The following WDR49 variants were observed in gnomAD, a reference collection of about 807,000 sequenced individuals.
The protein encoded by WDR49 is cilia- and flagella-associated protein 337.
In WDR49, 107 loss-of-function variants were observed where a neutral mutation model predicts 119.5. The ratio of observed to expected loss-of-function variants is 0.90; its 90% CI spans 0.77 to 1.05. The LOEUF (loss-of-function observed/expected upper bound fraction) is 1.05. Ranked by LOEUF, WDR49 falls within the 50% of genes least tolerant of loss-of-function variation. WDR49 has a pLI of 0.00. For missense variants in WDR49, 1,240 were observed against 1,220.5 expected, an observed-to-expected ratio of 1.02 and a Z score of -0.24; for synonymous variants, 425 against 418.8, an observed-to-expected ratio of 1.01 and a Z score of -0.18.
chr3:167,610,098 G>T (rs546171415), intron 5 of WDR49, among the ~76,000 whole-genome samples: 9 of 152,240 alleles, frequency 5.9e-5, no homozygotes, highest in Admixed American at 5.9e-4. Flanking sequence ...GGTGAGACTC[G>T]GCACATTACT....
chr3:167,610,259 T>C (rs1716279362), intron 5 of WDR49, among the ~76,000 whole-genome samples: 1 of 152,104 alleles, frequency 6.6e-6, no homozygotes, highest in East Asian at 1.9e-4. Context: ...TTCCAAGACT[T>C]GACTCTTGGA....
At chr3:167,537,116 A>C (rs1711515674) in intron 10 of WDR49, 116 bp from the exon 11 acceptor site, 2 of 1,028,536 alleles carry the variant, frequency 1.9e-6, no homozygotes, top group Non-Finnish European at 2.6e-6. Context: ...GCTGCCCAAA[A>C]TTTATCCCCA....
At chr3:167,530,076 T>C (rs1030970916) in intron 13 of WDR49, among the ~76,000 whole-genome samples, 2 of 152,082 alleles carry the variant, frequency 1.3e-5, no homozygotes, top group Non-Finnish European at 2.9e-5. Context: ...ATAATTCATA[T>C]TGTGAGTATA....
chr3:167,519,842 A>C (rs1458321386), intron 16 of WDR49, among the ~76,000 whole-genome samples: 2 of 152,284 alleles, frequency 1.3e-5, no homozygotes, highest in East Asian at 3.9e-4. Flanking sequence ...CATAATACAA[A>C]GTTTCCAGGA....
intron 18 of WDR49, among the ~76,000 whole-genome samples, chr3:167,487,527 A>G (rs144145139): frequency 1.6e-4 from 25 of 152,290 alleles, no homozygotes; most frequent in African/African-American, 6.0e-4. Context: ...AAGTTGATAA[A>G]TGGAACCTAA....
intron 2 of WDR49, among the ~76,000 whole-genome samples, chr3:167,650,709 C>T (rs906137129): frequency 6.6e-6 from 1 of 152,108 alleles, no homozygotes; most frequent in Non-Finnish European, 1.5e-5. Flanking sequence ...GAATTAGAAT[C>T]AAGGCACTGT....
intron 7 of WDR49, among the ~76,000 whole-genome samples, chr3:167,594,287 T>C (rs908843568): frequency 1.1e-4 from 17 of 152,164 alleles, no homozygotes; most frequent in African/African-American, 3.9e-4. Context: ...GACCAAAATG[T>C]TCATAGTGAT....
At chr3:167,626,377 C>T (rs1450115931) in intron 3 of WDR49, among the ~76,000 whole-genome samples, 3 of 152,008 alleles carry the variant, frequency 2.0e-5, no homozygotes, top group Non-Finnish European at 2.9e-5. Context: ...CAAGCTCCAA[C>T]CTTCCCCATC....
At chr3:167,556,361 A>G (rs749910667) in intron 9 of WDR49, among the ~76,000 whole-genome samples, 6 of 152,170 alleles carry the variant, frequency 3.9e-5, no homozygotes, top group Non-Finnish European at 8.8e-5. Flanking sequence ...ATCATTTACT[A>G]GATTTCTCAT....
At chr3:167,536,756 C>CATAT (rs376503635) in intron 11 of WDR49, 114 bp downstream of exon 11, 43 of 400,624 alleles carry the variant, frequency 1.1e-4, no homozygotes, top group African/African-American at 9.9e-4. Context: ...CATACATATA[C>CATAT]ATATATATAT....
In WDR49 at chr3:167,627,108, T is replaced by C; in HGVS notation, c.350A>G (p.Gln117Arg). The C allele has an allele frequency of 1.6e-6, 2 of 1,275,368 alleles. No individual in the cohort carries two copies. Among genetic ancestry groups the C allele is most frequent in the Non-Finnish European group, 2.0e-6 (2 of 1,010,562 alleles). 79.0% of individuals were successfully genotyped at this position (1,275,368 alleles called of 1,614,324 possible). A position where few individuals can be genotyped will look rare whatever the true frequency, so the allele number is the denominator to read the frequency against. Residue 117 changes from glutamine (Q) to arginine (R), a missense_variant, in exon 3 of 19, where the codon CAA (glutamine) becomes CGA (arginine). By Grantham distance (43) the Gln-to-Arg change is conservative. Coordinates refer to ENST00000682715, the MANE Select transcript of WDR49 (RefSeq NM_001366157.1). ...CACAGTTGCCTTTGCTCGTTCATCT[T>C]GCTCATAAAGCTCTAGCAGTATAAA... is the stretch of plus-strand genomic sequence containing the variant. ...TSFILLELYE[Q>R]DERAKATVVP... is the part of the protein sequence containing the mutation.
chr3:167,571,414 T>C (rs561123916), intron 8 of WDR49, among the ~76,000 whole-genome samples: 3 of 152,330 alleles, frequency 2.0e-5, no homozygotes, highest in African/African-American at 7.2e-5. Flanking sequence ...TATCAAATTA[T>C]CTGATATTGC....
At chr3:167,565,883 A>T (rs1317297775) in intron 8 of WDR49, among the ~76,000 whole-genome samples, 1 of 152,172 alleles carries the variant, frequency 6.6e-6, no homozygotes, top group African/African-American at 2.4e-5. Flanking sequence ...ATTAATTAGC[A>T]TTTACCCTTG....
rs1712913370 is a variant in WDR49 at position 167,556,125 on chromosome 3, T to A, written c.1675-1327A>T. 2.0e-5 allele frequency among the ~76,000 whole-genome samples: 3 copies of A among 152,222 alleles called. No homozygotes were observed. The South Asian group carries it at 6.2e-4, about 32-fold the overall frequency. The stretch of plus-strand genomic sequence containing the variant: ...GCTAGACAGTTTATGACTCTACTTG[T>A]AACTCTATCAATCTATTCTAATAAT... On this transcript the variant is annotated intron_variant, in intron 9 of 18. Transcript: ENST00000682715.
chr3:167,608,201 G>T (rs1716154732), intron 5 of WDR49, among the ~76,000 whole-genome samples: 1 of 151,988 alleles, frequency 6.6e-6, no homozygotes. Context: ...TACAAAAAAG[G>T]GTTATTATAA....
At chr3:167,592,380 T>A (rs1383343259) in intron 7 of WDR49, among the ~76,000 whole-genome samples, 1 of 152,146 alleles carries the variant, frequency 6.6e-6, no homozygotes, top group Admixed American at 6.6e-5. Context: ...GTGGTTTTTT[T>A]GTGTACTTAC....
At chr3:167,614,549 A>T (rs1395421607) in intron 5 of WDR49, among the ~76,000 whole-genome samples, 2 of 152,220 alleles carry the variant, frequency 1.3e-5, no homozygotes, top group Non-Finnish European at 2.9e-5. Context: ...ATTACTTTAC[A>T]AGCATTTCAG....
Position 167,609,478 on chromosome 3 carries a change from G to A in WDR49, c.959-5010C>T, listed in dbSNP as rs909716194. Reference sequence around the variant, plus strand: ...GAAACCTGGACCAAACTCAACTGGTGCCCGCCCACAGAGGGAACCTTAGCA... The same window carrying A: ...GAAACCTGGACCAAACTCAACTGGTACCCGCCCACAGAGGGAACCTTAGCA... On this transcript the variant is annotated intron_variant, in intron 5 of 18. Transcript: ENST00000682715. Among the ~76,000 whole-genome samples, 3 of 152,238 alleles carry A rather than the reference G, an allele frequency of 2.0e-5. No individual in the cohort carries two copies. In the Middle Eastern group the frequency reaches 0.01, roughly 518 times the overall value.
At chr3:167,495,636 A>C (rs1419259230) in intron 18 of WDR49, among the ~76,000 whole-genome samples, 2 of 152,066 alleles carry the variant, frequency 1.3e-5, no homozygotes, top group Admixed American at 1.3e-4. Flanking sequence ...AATTTGAAAA[A>C]AGATAATGGC....
Sources: allele counts gnomAD v4.1 joint callset (sites outside exome capture counted in the v4.1 genomes callset), GRCh38; gene constraint gnomAD v4.1.1; transcripts MANE v1.5; gene names NCBI Gene and HGNC (gene_info 2026-07-23, HGNC 2026-07-21).